The following TMEM116 variants were observed in gnomAD, a reference collection of about 807,000 sequenced individuals.
TMEM116 encodes transmembrane protein 116.
Under a neutral mutation model 44.3 loss-of-function variants are expected in TMEM116, and 38 were observed. The observed-to-expected ratio is 0.86, with a 90% CI of 0.66 to 1.12. The LOEUF (loss-of-function observed/expected upper bound fraction) is 1.12, where lower values mean the gene tolerates loss of function less well. Among genes scored for constraint, TMEM116 ranks in the 50% most tolerant of loss-of-function variants. The probability of loss-of-function intolerance (pLI) is 0.00; values close to 1 mark genes in which losing one functional copy is unlikely to be tolerated. For missense variants in TMEM116, 354 were observed against 401.7 expected, an observed-to-expected ratio of 0.88 and a Z score of 1.01; for synonymous variants, 132 against 144.8, an observed-to-expected ratio of 0.91 and a Z score of 0.64.
chr12:111,962,424 G>A (rs1262827132), intron 4 of TMEM116, among the ~76,000 whole-genome samples: 1 of 152,114 alleles, frequency 6.6e-6, no homozygotes, highest in Non-Finnish European at 1.5e-5. Context: ...ATACTACAAA[G>A]CTACAGTAAC....
intron 4 of TMEM116, among the ~76,000 whole-genome samples, chr12:111,974,952 A>C (rs2075582148): frequency 6.6e-6 from 1 of 152,244 alleles, no homozygotes; most frequent in Non-Finnish European, 1.5e-5. Flanking sequence ...AAGGATGTGA[A>C]AGACCTATAT....
chr12:111,968,501 T>C (rs2075113109), intron 4 of TMEM116, among the ~76,000 whole-genome samples: 1 of 152,160 alleles, frequency 6.6e-6, no homozygotes, highest in Admixed American at 6.5e-5. Context: ...ATTTGAAATG[T>C]CTGGCATTCA....
chr12:111,965,877 A>G (rs1485718972), intron 4 of TMEM116: 1 of 210,948 alleles, frequency 4.7e-6, no homozygotes, highest in Non-Finnish European at 9.9e-6. Context: ...CGGAGGTTGC[A>G]ATGAGCTGAG....
intron 4 of TMEM116, among the ~76,000 whole-genome samples, chr12:111,957,523 C>T (rs1351920284): frequency 1.1e-4 from 16 of 151,564 alleles, no homozygotes; most frequent in Admixed American, 7.9e-4. Flanking sequence ...CCAGCCGCCC[C>T]GTCCGGGAGG....
At position 111,978,735 on chromosome 12, in the gene TMEM116, C is replaced by G. The variant is rs970852652; in HGVS notation, c.210+13023G>C. 7 of 438,966 alleles carry G rather than the reference C, an allele frequency of 1.6e-5. No homozygotes were observed. In the Admixed American group the frequency reaches 1.7e-4, roughly 11 times the overall value. The allele number at this position is 438,966 out of a possible 1,614,324, so 27.2% of individuals were successfully genotyped here. A position where few individuals can be genotyped will look rare whatever the true frequency, so the allele number is the denominator to read the frequency against. On this transcript the variant is annotated intron_variant, in intron 4 of 10. Coordinates refer to ENST00000552374, the MANE Select transcript of TMEM116 (RefSeq NM_001193531.2). ...CTGCAAACCAGGAAGTGGGCTCTTA[C>G]CAGACACCAGATCTGCTGATTATCT...
chr12:111,932,672 A>C lies in TMEM116; in HGVS notation c.734-13T>G. Reference sequence around the variant, plus strand: ...ATTAGAATGACAGCTGTGAATACACAAAGTGTAAACCTTCTTGTCAGCCCT... The same window carrying C: ...ATTAGAATGACAGCTGTGAATACACCAAGTGTAAACCTTCTTGTCAGCCCT... On this transcript the variant is annotated splice_polypyrimidine_tract_variant and intron_variant, in intron 9 of 10. Coordinates refer to ENST00000552374, the MANE Select transcript of TMEM116 (RefSeq NM_001193531.2). 1 of 1,611,742 alleles carries C rather than the reference A, an allele frequency of 6.2e-7. No individual in the cohort carries two copies. Among genetic ancestry groups the C allele is most frequent in the Non-Finnish European group, 8.5e-7 (1 of 1,177,808 alleles).
intron 3 of TMEM116, among the ~76,000 whole-genome samples, chr12:112,002,815 C>T (rs2077339174): frequency 6.6e-6 from 1 of 152,104 alleles, no homozygotes; most frequent in Admixed American, 6.6e-5. Flanking sequence ...CCCAATAAAA[C>T]CCAATGGCAT....
At position 111,939,990 on chromosome 12, in the gene TMEM116, T is replaced by C. The variant is rs150976057; in HGVS notation, c.316-1780A>G. Among the ~76,000 whole-genome samples, 765 of 150,524 alleles carry C rather than the reference T, an allele frequency of 5.1e-3. 9 individuals are homozygous for C. The highest frequency in any genetic ancestry group is 0.026 in the South Asian group (122 of 4,742). On this transcript the variant is annotated intron_variant, in intron 5 of 10. Transcript: ENST00000552374. ...GTAGTGGAGTTAATATCTTAGGCTA[T>C]GGTTGGGCATGGTGGCTTATGTCTG...
At chr12:111,949,331 A>G (rs1190469672) in intron 4 of TMEM116, among the ~76,000 whole-genome samples, 1 of 152,190 alleles carries the variant, frequency 6.6e-6, no homozygotes, top group Non-Finnish European at 1.5e-5. Flanking sequence ...AAGTTCAATA[A>G]AAATATGCTA....
intron 4 of TMEM116, among the ~76,000 whole-genome samples, chr12:111,982,868 G>A (rs576902794): frequency 1.3e-5 from 2 of 152,200 alleles, no homozygotes; most frequent in East Asian, 1.9e-4. Flanking sequence ...GACCATGAAA[G>A]GTTTTTCTTT....
chr12:111,948,709 ATTTAT>A (rs1045382316), intron 4 of TMEM116, among the ~76,000 whole-genome samples: 2 of 152,190 alleles, frequency 1.3e-5, no homozygotes, highest in African/African-American at 4.8e-5. Flanking sequence ...TCATGCATAT[ATTTAT>A]TTTAATTTTA....
Position 111,969,047 on chromosome 12 carries a change from G to A in TMEM116, c.210+22711C>T, listed in dbSNP as rs1593447743. Among the ~76,000 whole-genome samples the A allele has an allele frequency of 5.3e-5, 8 of 150,418 alleles. 1 individual carries two copies. The highest frequency in any genetic ancestry group is 2.0e-4 in the East Asian group (1 of 5,076). ...AAGAAAAAAAAGAAAATGGCCAGGC[G>A]CGGTGGCTCACGCCTGTAATCCCAG... On this transcript the variant is annotated intron_variant, in intron 4 of 10. Coordinates refer to ENST00000552374, the MANE Select transcript of TMEM116 (RefSeq NM_001193531.2).
At chr12:112,003,597 A>T in intron 3 of TMEM116, 1 of 554,078 alleles carries the variant, frequency 1.8e-6, no homozygotes, top group Non-Finnish European at 2.8e-6. Flanking sequence ...TTAATCTCTC[A>T]GAATTCAAAG....
At chr12:111,956,857 C>T (rs370790704) in intron 4 of TMEM116, among the ~76,000 whole-genome samples, 4 of 152,264 alleles carry the variant, frequency 2.6e-5, no homozygotes, top group East Asian at 1.9e-4. Context: ...GATCTCGGAT[C>T]GCTACAACCT....
At chr12:111,957,624 G>A (rs1346469322) in intron 4 of TMEM116, among the ~76,000 whole-genome samples, 2 of 149,184 alleles carry the variant, frequency 1.3e-5, no homozygotes, top group African/African-American at 5.0e-5. Flanking sequence ...GAGGTGGGGG[G>A]CCCCTCTGCC....
intron 4 of TMEM116, among the ~76,000 whole-genome samples, chr12:111,957,751 G>A (rs1233048074): frequency 6.6e-6 from 1 of 152,112 alleles, no homozygotes; most frequent in Non-Finnish European, 1.5e-5. Context: ...CCCTCTGCCC[G>A]GCCACCACCC....
chr12:111,983,305 G>T (rs374857244), intron 4 of TMEM116, among the ~76,000 whole-genome samples: 1 of 151,540 alleles, frequency 6.6e-6, no homozygotes, highest in Non-Finnish European at 1.5e-5. Flanking sequence ...GCATGGTGGC[G>T]TATGCCTGTA....
intron 4 of TMEM116, among the ~76,000 whole-genome samples, chr12:111,949,240 T>G (rs2073529946): frequency 6.6e-6 from 1 of 152,188 alleles, no homozygotes; most frequent in Admixed American, 6.5e-5. Context: ...ATCATTTACT[T>G]TTTCTCCCTA....
rs567874294 is a variant in TMEM116 at position 111,957,121 on chromosome 12, G to A, written c.211-13752C>T. 4.9e-4 allele frequency among the ~76,000 whole-genome samples: 74 copies of A among 151,036 alleles called. 1 individual carries two copies. The highest frequency in any genetic ancestry group is 1.8e-3 in the African/African-American group (72 of 40,982). On this transcript the variant is annotated intron_variant, in intron 4 of 10. Transcript: ENST00000552374. ...GGGATGTGAGGAGCCCCTCTGCCCG[G>A]CCGCCCAGTCTGGGAAGTGAGGAGT...
Sources: gnomAD v4.1 joint callset for allele counts (sites outside exome capture counted in the v4.1 genomes callset) on GRCh38, gnomAD v4.1.1 for gene constraint, MANE v1.5 for transcripts, NCBI Gene and HGNC (gene_info 2026-07-23, HGNC 2026-07-21) for gene names.